The following SYNE1 variants were observed in gnomAD, a reference collection of about 807,000 sequenced individuals.
SYNE1 encodes nesprin-1.
SYNE1 carries 616 observed loss-of-function variants against 1,111.0 expected under a neutral mutation model. The observed-to-expected ratio is 0.55, with a 90% confidence interval of 0.52 to 0.59. The LOEUF is 0.59. Ranked by LOEUF, SYNE1 falls within the 20% of genes least tolerant of loss-of-function variation. The pLI is 0.00. For missense variants in SYNE1, 10,006 were observed against 10,417.0 expected, an observed-to-expected ratio of 0.96 and a Z score of 1.72; for synonymous variants, 3,855 against 3,825.8, an observed-to-expected ratio of 1.01 and a Z score of -0.28.
intron 98 of SYNE1, among the ~76,000 whole-genome samples, chr6:152,276,715 G>A (rs747043415): frequency 6.6e-6 from 1 of 152,052 alleles, no homozygotes; most frequent in African/African-American, 2.4e-5. Context: ...TATTGCAGGA[G>A]AAAGGTGTAA....
chr6:152,497,301 C>G (rs1005714864), intron 11 of SYNE1, among the ~76,000 whole-genome samples: 7 of 152,158 alleles, frequency 4.6e-5, no homozygotes, highest in African/African-American at 1.4e-4. Flanking sequence ...AACTGGAGCC[C>G]AAGACTACAA....
chr6:152,158,362 T>C (rs2061767412), intron 131 of SYNE1, among the ~76,000 whole-genome samples: 1 of 152,192 alleles, frequency 6.6e-6, no homozygotes, highest in Admixed American at 6.5e-5. Context: ...GCTCTAAAAA[T>C]TCCTCAATTT....
intron 130 of SYNE1, among the ~76,000 whole-genome samples, chr6:152,169,022 AAAT>A (rs2064403428): frequency 6.6e-6 from 1 of 152,146 alleles, no homozygotes; most frequent in Admixed American, 6.5e-5. Context: ...CTTTTAAAGA[AAAT>A]AAGTCCCCAA....
At chr6:152,139,461 C>T (rs2057879790) in intron 140 of SYNE1, among the ~76,000 whole-genome samples, 1 of 150,826 alleles carries the variant, frequency 6.6e-6, no homozygotes, top group East Asian at 2.0e-4. Flanking sequence ...ATCCCAGCTA[C>T]TAGTGGGGCT....
chr6:152,484,694 GATTCTCCC>G, intron 13 of SYNE1, 133 bp downstream of exon 13: 1 of 872,098 alleles, frequency 1.1e-6, no homozygotes, highest in African/African-American at 1.7e-5. Context: ...AGGAGGCAAA[GATTCTCCC>G]ATAGTTAAGT....
At chr6:152,304,398 A>G (rs557166826) in intron 91 of SYNE1, among the ~76,000 whole-genome samples, 17 of 152,210 alleles carry the variant, frequency 1.1e-4, no homozygotes, top group African/African-American at 4.1e-4. Flanking sequence ...GCAGTGGCGC[A>G]ATCTCGGCTC....
chr6:152,286,001 C>T (rs1238105864), intron 95 of SYNE1, among the ~76,000 whole-genome samples: 1 of 152,118 alleles, frequency 6.6e-6, no homozygotes, highest in African/African-American at 2.4e-5. Context: ...TCCAATGTGC[C>T]CTTATTTGCA....
intron 3 of SYNE1, among the ~76,000 whole-genome samples, chr6:152,564,087 T>C (rs1179304792): frequency 6.6e-6 from 1 of 152,178 alleles, no homozygotes; most frequent in Admixed American, 6.5e-5. Flanking sequence ...CATTTTATAC[T>C]GCGTAAGACA....
chr6:152,573,832 G>A (rs956389594), intron 3 of SYNE1, among the ~76,000 whole-genome samples: 3 of 152,126 alleles, frequency 2.0e-5, no homozygotes, highest in Non-Finnish European at 2.9e-5. Flanking sequence ...TCCTAAAAGA[G>A]TATGCATCAT....
rs1188979783 is a variant in SYNE1 at position 152,399,925 on chromosome 6, G to A, written c.7030-102C>T. On this transcript the variant is annotated intron_variant, in intron 47 of 145. Transcript: ENST00000367255. Reference sequence around the variant, plus strand: ...TTTACAATCTGAAATTGACATTGTTGAATCCACTCCATGGTGTATACATTT... The same window carrying A: ...TTTACAATCTGAAATTGACATTGTTAAATCCACTCCATGGTGTATACATTT... 3 of 1,265,344 alleles carry A rather than the reference G, an allele frequency of 2.4e-6. No homozygotes were observed. The African/African-American group carries it at 4.5e-5, about 19-fold the overall frequency. 78.4% of individuals were successfully genotyped at this position (1,265,344 alleles called of 1,614,324 possible).
At position 152,353,409 on chromosome 6, in the gene SYNE1, C is replaced by G; in HGVS notation, c.11107G>C (p.Glu3703Gln). Reference sequence around the variant, plus strand: ...TCTGATTCCTCCAAACTCTGAATCTCCTCCTCCAGGAATTTTATTTGTTCC... The same window carrying G: ...TCTGATTCCTCCAAACTCTGAATCTGCTCCTCCAGGAATTTTATTTGTTCC... Reference protein sequence around the residue: ...VLEQIKFLEEEIQSLEESESS... With the variant: ...VLEQIKFLEEQIQSLEESESS... Residue 3703 changes from glutamate (E) to glutamine (Q), a missense_variant, in exon 69 of 146, where the codon GAG (glutamate) becomes CAG (glutamine). Coordinates refer to ENST00000367255, the MANE Select transcript of SYNE1 (RefSeq NM_182961.4). 1 of 1,614,164 alleles carries G rather than the reference C, an allele frequency of 6.2e-7. No individual in the cohort carries two copies. Among genetic ancestry groups the G allele is most frequent in the Non-Finnish European group, 8.5e-7 (1 of 1,180,044 alleles).
At position 152,217,941 on chromosome 6, in the gene SYNE1, C is replaced by A. The variant is rs372123923; in HGVS notation, c.22191+316G>T. Among the ~76,000 whole-genome samples the A allele has an allele frequency of 1.8e-4, 27 of 152,208 alleles. No homozygotes were observed. In the East Asian group the frequency reaches 4.6e-3, roughly 26 times the overall value. On this transcript the variant is annotated intron_variant, in intron 121 of 145. Transcript: ENST00000367255. The stretch of plus-strand genomic sequence containing the variant: ...TTCACTTAAGATTTTGAAAACAGGG[C>A]TGGGTGTGGTTGCTCATTCCTGTAA...
rs534870106 is a variant in SYNE1, at chr6:152,223,067, T to C, written c.21522+1427A>G. On this transcript the variant is annotated intron_variant, in intron 117 of 145. Coordinates refer to ENST00000367255, the MANE Select transcript of SYNE1 (RefSeq NM_182961.4). ...TCGAGTACTGTTTAACACCAATATC[T>C]GATTACCCTCAAATGAAAACAGTCA... Among the ~76,000 whole-genome samples the C allele has an allele frequency of 1.2e-4, 19 of 152,302 alleles. No homozygotes were observed. In the South Asian group the frequency reaches 3.9e-3, roughly 32 times the overall value.
intron 4 of SYNE1, among the ~76,000 whole-genome samples, chr6:152,538,859 T>C (rs1447471103): frequency 6.6e-6 from 1 of 152,118 alleles, no homozygotes; most frequent in Non-Finnish European, 1.5e-5. Flanking sequence ...ATCCTATATC[T>C]AGACAGGTCG....
At chr6:152,605,030 GAGAGAGGGA>G (rs1565141832) in intron 3 of SYNE1, among the ~76,000 whole-genome samples, 46 of 63,530 alleles carry the variant, frequency 7.2e-4, no homozygotes, top group Non-Finnish European at 1.2e-3. Context: ...GAGAGAGAGA[GAGAGAGGGA>G]GGGAGGGAGG....
In SYNE1 at chr6:152,316,954, C is replaced by T. The variant is rs371674670; in HGVS notation, c.16605G>A (p.Met5535Ile). The change falls in exon 87 of 146, where the codon ATG becomes ATA. Residue 5535 changes from methionine (M) to isoleucine (I), a missense_variant. Coordinates refer to ENST00000367255, the MANE Select transcript of SYNE1 (RefSeq NM_182961.4). Reference sequence around the variant, plus strand: ...CAATCCACTTCAAAATTAATTCAAGCATTTCATTGTATTCTTCTAAATGTG... The same window carrying T: ...CAATCCACTTCAAAATTAATTCAAGTATTTCATTGTATTCTTCTAAATGTG... ...AASHLEEYNE[M>I]LELILKWIEK... 1.2e-6 allele frequency: 2 copies of T among 1,613,958 alleles called. No homozygotes were observed. Among genetic ancestry groups the T allele is most frequent in the Non-Finnish European group, 1.7e-6 (2 of 1,180,018 alleles).
intron 143 of SYNE1, among the ~76,000 whole-genome samples, chr6:152,132,799 CCAATAATACCA>C (rs1227873476): frequency 6.6e-6 from 1 of 151,458 alleles, no homozygotes. Flanking sequence ...TTTCTCAAAA[CCAATAATACCA>C]CAATGGAGTT....
In SYNE1 at chr6:152,576,501, T is replaced by C. The variant is rs552449209; in HGVS notation, c.68-36480A>G. Among the ~76,000 whole-genome samples the C allele has an allele frequency of 2.0e-5, 3 of 152,334 alleles. No homozygotes were observed. In the East Asian group the frequency reaches 5.8e-4, roughly 29 times the overall value. On this transcript the variant is annotated intron_variant, in intron 3 of 145. Transcript: ENST00000367255. ...CTCCTTTTGCCACCAGATTAACTTC[T>C]AAGGCCTACCTTGTTAGATCTGTCA...
At chr6:152,300,974 T>A (rs1286558577) in intron 92 of SYNE1, among the ~76,000 whole-genome samples, 193 bp from the exon 93 acceptor site, 1 of 152,244 alleles carries the variant, frequency 6.6e-6, no homozygotes. Context: ...CTAGTAATCA[T>A]TTGTAAAACA....
Sources: allele counts gnomAD v4.1 joint callset (sites outside exome capture counted in the v4.1 genomes callset), GRCh38; gene constraint gnomAD v4.1.1; transcripts MANE v1.5; gene names NCBI Gene and HGNC (gene_info 2026-07-23, HGNC 2026-07-21).